VTI1A: variants seen among roughly 807,000 people sequenced by gnomAD.
VTI1A encodes vesicle transport through interaction with t-SNAREs 1A, also known as vesicle transport through interaction with t-SNAREs homolog 1A.
A neutral mutation model predicts 34.9 loss-of-function variants in VTI1A; 22 were observed. The observed-to-expected ratio is 0.63, with a 90% confidence interval of 0.45 to 0.90. VTI1A has a LOEUF of 0.90. Among genes scored for constraint, VTI1A ranks in the 40% least tolerant of loss-of-function variants. The pLI, the probability that VTI1A is intolerant of heterozygous loss-of-function variation, is 0.00. For missense variants in VTI1A, 268 were observed against 275.6 expected (o/e 0.97, Z 0.20); for synonymous variants, 87 against 97.3 (o/e 0.89, Z 0.62).
At chr10:112,613,081 C>T (rs971334653) in intron 5 of VTI1A, among the ~76,000 whole-genome samples, 1 of 152,064 alleles carries the variant, frequency 6.6e-6, no homozygotes, top group Non-Finnish European at 1.5e-5. Context: ...ATAAATATTA[C>T]TCTTTCTAAT....
At chr10:112,701,087 A>G (rs549079978) in intron 7 of VTI1A, among the ~76,000 whole-genome samples, 3 of 152,360 alleles carry the variant, frequency 2.0e-5, no homozygotes, top group Admixed American at 6.5e-5. Flanking sequence ...TGAGCAAACT[A>G]TATAATGAGG....
At chr10:112,654,372 G>C (rs1847147465) in intron 5 of VTI1A, among the ~76,000 whole-genome samples, 1 of 152,030 alleles carries the variant, frequency 6.6e-6, no homozygotes, top group African/African-American at 2.4e-5. Context: ...ACAATAATTT[G>C]AGCTCAGTTT....
chr10:112,756,063 AAAAG>A (rs1483250773), intron 7 of VTI1A, among the ~76,000 whole-genome samples: 1 of 152,162 alleles, frequency 6.6e-6, no homozygotes, highest in Non-Finnish European at 1.5e-5. Context: ...AACAGCGAGA[AAAAG>A]AGAGAGGGAG....
chr10:112,640,069 T>C (rs555317994), intron 5 of VTI1A, among the ~76,000 whole-genome samples: 2 of 152,292 alleles, frequency 1.3e-5, no homozygotes, highest in African/African-American at 2.4e-5. Flanking sequence ...AAAATAGAAA[T>C]ATGAAATTAT....
intron 5 of VTI1A, among the ~76,000 whole-genome samples, chr10:112,553,928 C>A (rs1043855158): frequency 2.6e-5 from 4 of 152,180 alleles, no homozygotes; most frequent in Non-Finnish European, 2.9e-5. Context: ...TTCACTGCCT[C>A]ATACATCATC....
chr10:112,533,980 C>T (rs971238394), intron 4 of VTI1A, among the ~76,000 whole-genome samples: 2 of 151,952 alleles, frequency 1.3e-5, no homozygotes, highest in African/African-American at 4.8e-5. Flanking sequence ...TTTCCCCCAC[C>T]CAAAATTATT....
chr10:112,817,478 T>C lies in VTI1A; in HGVS notation c.*2095T>C. ...TTCTATGTCTTTATCAGCTCTTGCCTGTGATTTTACCCCAATTCAACCTTG... is the reference window on the plus strand; with the variant it reads ...TTCTATGTCTTTATCAGCTCTTGCCCGTGATTTTACCCCAATTCAACCTTG... On this transcript the variant is annotated 3_prime_UTR_variant, in exon 8 of 8. Coordinates refer to ENST00000393077, the MANE Select transcript of VTI1A (RefSeq NM_145206.4). 2 of 229,970 alleles carry C rather than the reference T, an allele frequency of 8.7e-6. No individual in the cohort carries two copies. The highest frequency in any genetic ancestry group is 6.2e-5 in the East Asian group (1 of 16,098). 14.2% of individuals were successfully genotyped at this position (229,970 alleles called of 1,614,324 possible). A position where few individuals can be genotyped will look rare whatever the true frequency, so the allele number is the denominator to read the frequency against.
chr10:112,486,119 G>A (rs934744321), intron 3 of VTI1A, among the ~76,000 whole-genome samples: 3 of 152,032 alleles, frequency 2.0e-5, no homozygotes, highest in Non-Finnish European at 4.4e-5. Flanking sequence ...ACTTTACCAC[G>A]CGTATGTCTG....
chr10:112,569,016 G>A (rs908245454), intron 5 of VTI1A, among the ~76,000 whole-genome samples: 1 of 152,040 alleles, frequency 6.6e-6, no homozygotes, highest in African/African-American at 2.4e-5. Context: ...TCATCCGGGT[G>A]TGGTGGTTTG....
chr10:112,470,382 A>C (rs557892444), intron 3 of VTI1A, among the ~76,000 whole-genome samples: 2 of 152,306 alleles, frequency 1.3e-5, no homozygotes, highest in East Asian at 3.9e-4. Flanking sequence ...CACGCAAAGT[A>C]AGAGACTCAA....
intron 5 of VTI1A, among the ~76,000 whole-genome samples, chr10:112,565,676 A>G (rs1185060964): frequency 6.6e-6 from 1 of 152,214 alleles, no homozygotes; most frequent in African/African-American, 2.4e-5. Flanking sequence ...AGTTAAAGAA[A>G]TGTTTCTTGT....
chr10:112,700,126 A>AAC (rs1554945414), intron 7 of VTI1A, among the ~76,000 whole-genome samples: 1 of 140,216 alleles, frequency 7.1e-6, no homozygotes, highest in African/African-American at 3.2e-5. Flanking sequence ...TCAAAAAAAA[A>AAC]AAAAAAAAAC....
chr10:112,642,619 G>A (rs1846616085), intron 5 of VTI1A, among the ~76,000 whole-genome samples: 1 of 152,132 alleles, frequency 6.6e-6, no homozygotes, highest in Non-Finnish European at 1.5e-5. Flanking sequence ...GTGTGTGTGT[G>A]TGTGTGTGTA....
intron 5 of VTI1A, among the ~76,000 whole-genome samples, chr10:112,547,154 C>A (rs1851161504): frequency 6.6e-6 from 1 of 152,002 alleles, no homozygotes; most frequent in Non-Finnish European, 1.5e-5. Flanking sequence ...ATGGCATGTG[C>A]CTGTAGTCCC....
chr10:112,683,181 C>A (rs927559876), intron 7 of VTI1A, among the ~76,000 whole-genome samples: 1 of 152,180 alleles, frequency 6.6e-6, no homozygotes, highest in African/African-American at 2.4e-5. Flanking sequence ...AAAAGATGTA[C>A]CTATAAAATC....
intron 5 of VTI1A, among the ~76,000 whole-genome samples, chr10:112,578,369 G>A (rs567458156): frequency 6.6e-6 from 1 of 152,280 alleles, no homozygotes; most frequent in Non-Finnish European, 1.5e-5. Flanking sequence ...GAAATCCACG[G>A]TTTCTGGTTG....
At chr10:112,681,216 C>G (rs1011051992) in intron 7 of VTI1A, among the ~76,000 whole-genome samples, 1 of 151,784 alleles carries the variant, frequency 6.6e-6, no homozygotes, top group Non-Finnish European at 1.5e-5. Flanking sequence ...CAAGTAGCTG[C>G]GACTACAGGT....
intron 3 of VTI1A, among the ~76,000 whole-genome samples, chr10:112,503,298 A>G (rs1461044253): frequency 6.6e-6 from 1 of 152,178 alleles, no homozygotes; most frequent in Non-Finnish European, 1.5e-5. Flanking sequence ...GGTAACCACC[A>G]ATCTGTTCTC....
chr10:112,694,555 A>G (rs1848717478), intron 7 of VTI1A, among the ~76,000 whole-genome samples: 1 of 152,094 alleles, frequency 6.6e-6, no homozygotes, highest in African/African-American at 2.4e-5. Context: ...ATGCCTCTGA[A>G]TGGCAGAGTT....
Sources: gnomAD v4.1 joint callset for allele counts (sites outside exome capture counted in the v4.1 genomes callset) on GRCh38, gnomAD v4.1.1 for gene constraint, MANE v1.5 for transcripts, NCBI Gene and HGNC (gene_info 2026-07-23, HGNC 2026-07-21) for gene names.